NRF1: variants seen among roughly 807,000 people sequenced by gnomAD.
The protein encoded by NRF1 is nuclear respiratory factor 1.
A neutral mutation model predicts 58.5 loss-of-function variants in NRF1; 5 were observed. The observed-to-expected ratio is 0.09, with a 90% CI of 0.04 to 0.18. The LOEUF is 0.18. Among genes scored for constraint, NRF1 ranks in the 10% least tolerant of loss-of-function variants. NRF1 has a pLI of 1.00. For missense variants in NRF1, 288 were observed against 657.7 expected, an observed-to-expected ratio of 0.44 and a Z score of 6.15; for synonymous variants, 224 against 246.7, an observed-to-expected ratio of 0.91 and a Z score of 0.86.
intron 2 of NRF1, among the ~76,000 whole-genome samples, chr7:129,671,104 C>T (rs1802038428): frequency 6.6e-6 from 1 of 152,124 alleles, no homozygotes; most frequent in African/African-American, 2.4e-5. Flanking sequence ...TTCCTAGCAC[C>T]TCTAAGAATA....
At chr7:129,659,683 C>T (rs539237938) in intron 2 of NRF1, among the ~76,000 whole-genome samples, 7 of 152,238 alleles carry the variant, frequency 4.6e-5, no homozygotes, top group African/African-American at 1.2e-4. Flanking sequence ...TCATTCTAAC[C>T]GCTACTCTTT....
At chr7:129,695,859 C>T (rs1802680616) in intron 5 of NRF1, among the ~76,000 whole-genome samples, 1 of 151,290 alleles carries the variant, frequency 6.6e-6, no homozygotes, top group African/African-American at 2.4e-5. Context: ...TCTAAATAAG[C>T]ATGAATTGCT....
chr7:129,693,916 T>G (rs978422786), intron 5 of NRF1, among the ~76,000 whole-genome samples: 2 of 152,212 alleles, frequency 1.3e-5, no homozygotes, highest in African/African-American at 4.8e-5. Context: ...AGTCTGAGGT[T>G]TTGATTATAT....
At chr7:129,681,981 C>G (rs1258529859) in intron 4 of NRF1, among the ~76,000 whole-genome samples, 1 of 151,424 alleles carries the variant, frequency 6.6e-6, no homozygotes, top group Non-Finnish European at 1.5e-5. Flanking sequence ...ACTTGGGAGG[C>G]TGAGGCAGGA....
chr7:129,683,833 A>G (rs1802384518), intron 4 of NRF1, among the ~76,000 whole-genome samples: 2 of 151,258 alleles, frequency 1.3e-5, no homozygotes, highest in African/African-American at 4.9e-5. Context: ...AGGCTTCACC[A>G]TGTTGGCCAG....
intron 10 of NRF1, among the ~76,000 whole-genome samples, chr7:129,747,027 T>G (rs1258104034): frequency 6.6e-6 from 1 of 152,126 alleles, no homozygotes; most frequent in African/African-American, 2.4e-5. Context: ...TCCTGCTCTA[T>G]CTTGTCGTGG....
chr7:129,717,427 G>C (rs781567672), intron 9 of NRF1, 51 bp downstream of exon 9: 1 of 1,542,624 alleles, frequency 6.5e-7, no homozygotes, highest in African/African-American at 1.4e-5. Context: ...TGTCCCTGCA[G>C]ATATGGGTGG....
chr7:129,616,852 G>A (rs756787019), intron 1 of NRF1, among the ~76,000 whole-genome samples: 4 of 152,184 alleles, frequency 2.6e-5, no homozygotes, highest in Non-Finnish European at 5.9e-5. Flanking sequence ...GTGTTGGAGG[G>A]AGTGTTGGTG....
At chr7:129,734,654 A>G (rs560467666) in intron 10 of NRF1, among the ~76,000 whole-genome samples, 2 of 152,172 alleles carry the variant, frequency 1.3e-5, no homozygotes, top group Non-Finnish European at 2.9e-5. Flanking sequence ...ACAGGTCTGT[A>G]TGCTTCTCCG....
At chr7:129,650,332 C>T (rs912216634) in intron 1 of NRF1, among the ~76,000 whole-genome samples, 1 of 152,094 alleles carries the variant, frequency 6.6e-6, no homozygotes, top group African/African-American at 2.4e-5. Flanking sequence ...AGGAATCACT[C>T]TCAAGTCCAT....
intron 7 of NRF1, 88 bp downstream of exon 7, chr7:129,710,659 C>T (rs1803051822): frequency 6.6e-6 from 5 of 754,364 alleles, no homozygotes; most frequent in African/African-American, 5.1e-5. Context: ...TTCCTTTGTG[C>T]GAACTCTTGT....
chr7:129,685,481 T>C (rs1485082571), intron 4 of NRF1, among the ~76,000 whole-genome samples: 5 of 152,176 alleles, frequency 3.3e-5, no homozygotes, highest in Non-Finnish European at 7.3e-5. Context: ...TGTTTGTTAA[T>C]GTGTTACCTG....
chr7:129,752,654 C>A (rs1432196830), intron 10 of NRF1, among the ~76,000 whole-genome samples: 1 of 151,562 alleles, frequency 6.6e-6, no homozygotes, highest in Non-Finnish European at 1.5e-5. Context: ...GAGTTCAAGA[C>A]CAACCTGGGC....
chr7:129,745,508 C>G lies in NRF1; in HGVS notation c.1349-9510C>G, dbSNP rs866919636. ...TCATCCCCAAACCATCCCCCTCAAC[C>G]CCCCCCCCATCCATGGAAATACTGT... On this transcript the variant is annotated intron_variant, in intron 10 of 10. Coordinates refer to ENST00000393232, the MANE Select transcript of NRF1 (RefSeq NM_005011.5). Among the ~76,000 whole-genome samples, 12 of 99,044 alleles carry G rather than the reference C, an allele frequency of 1.2e-4. No homozygotes were observed. The East Asian group carries it at 4.3e-3, about 36-fold the overall frequency. 65.0% of individuals were successfully genotyped at this position (99,044 alleles called of 152,430 possible).
Position 129,729,597 on chromosome 7 carries a change from T to C in NRF1, c.1348+2232T>C, listed in dbSNP as rs140929982. Among the ~76,000 whole-genome samples, 62 of 152,354 alleles carry C rather than the reference T, an allele frequency of 4.1e-4. No individual in the cohort carries two copies. In the East Asian group the frequency reaches 0.012, roughly 28 times the overall value. ...AGCAGTTTTAGGCAAAGGCCAATCA[T>C]TTCATCTGCCCTTGGGAATCCAAAG... On this transcript the variant is annotated intron_variant, in intron 10 of 10. Coordinates refer to ENST00000393232, the MANE Select transcript of NRF1 (RefSeq NM_005011.5).
chr7:129,717,670 C>G (rs778776778), intron 9 of NRF1, among the ~76,000 whole-genome samples: 1 of 152,186 alleles, frequency 6.6e-6, no homozygotes, highest in African/African-American at 2.4e-5. Flanking sequence ...CTTCTACTGG[C>G]TGTTGATGGA....
chr7:129,642,695 A>G (rs749200520), intron 1 of NRF1, among the ~76,000 whole-genome samples: 1 of 151,494 alleles, frequency 6.6e-6, no homozygotes, highest in Non-Finnish European at 1.5e-5. Flanking sequence ...TAATTCCCCT[A>G]TATTTTCTCA....
chr7:129,708,998 A>T (rs974189096), intron 5 of NRF1, 77 bp from the exon 6 acceptor site: 1 of 1,207,732 alleles, frequency 8.3e-7, no homozygotes, highest in Admixed American at 3.0e-5. Flanking sequence ...CTGTTTTATA[A>T]GGTTAGAATT....
intron 3 of NRF1, among the ~76,000 whole-genome samples, chr7:129,673,501 G>A (rs372226370): frequency 7.4e-4 from 112 of 152,010 alleles, no homozygotes; most frequent in African/African-American, 2.5e-3. Flanking sequence ...AGGCCGAGGC[G>A]GGCGGATCAC....
Sources: gnomAD v4.1 joint callset for allele counts (sites outside exome capture counted in the v4.1 genomes callset) on GRCh38, gnomAD v4.1.1 for gene constraint, MANE v1.5 for transcripts, NCBI Gene and HGNC (gene_info 2026-07-23, HGNC 2026-07-21) for gene names.